EYA1: variants seen among roughly 807,000 people sequenced by gnomAD.
EYA1 encodes the protein protein phosphatase EYA1.
In EYA1, 16 loss-of-function variants were observed where a neutral mutation model predicts 82.0. The ratio of observed to expected loss-of-function variants is 0.20; its 90% CI spans 0.13 to 0.30. The LOEUF (loss-of-function observed/expected upper bound fraction) is 0.30. EYA1 is among the 10% of genes least tolerant of loss of function. The pLI, the probability that EYA1 is intolerant of heterozygous loss-of-function variation, is 1.00. For missense variants in EYA1, 633 were observed against 730.7 expected (o/e 0.87, Z 1.54); for synonymous variants, 261 against 264.4 (o/e 0.99, Z 0.12).
chr8:71,205,566 C>T (rs1263141734), intron 17 of EYA1, among the ~76,000 whole-genome samples: 2 of 152,124 alleles, frequency 1.3e-5, no homozygotes, highest in Non-Finnish European at 2.9e-5. Flanking sequence ...TGAGGTTGTT[C>T]TTTTACGAAA....
intron 11 of EYA1, among the ~76,000 whole-genome samples, chr8:71,269,273 C>T (rs929617292): frequency 6.6e-6 from 1 of 152,068 alleles, no homozygotes; most frequent in Non-Finnish European, 1.5e-5. Flanking sequence ...ATACATTTAA[C>T]CCAAGTAGCA....
chr8:71,446,043 T>G (rs1432171393), intron 2 of EYA1, among the ~76,000 whole-genome samples: 1 of 152,196 alleles, frequency 6.6e-6, no homozygotes, highest in Admixed American at 6.5e-5. Context: ...AATATATATA[T>G]TTTTAAAACA....
intron 2 of EYA1, among the ~76,000 whole-genome samples, chr8:71,517,491 C>G (rs1316769820): frequency 1.3e-5 from 2 of 151,174 alleles, no homozygotes; most frequent in African/African-American, 2.4e-5. Context: ...AAAGAAATGA[C>G]AAATCTATGA....
chr8:71,399,617 A>C (rs1218219278), intron 2 of EYA1, among the ~76,000 whole-genome samples: 3 of 152,184 alleles, frequency 2.0e-5, no homozygotes, highest in Non-Finnish European at 4.4e-5. Flanking sequence ...GGAGAACTAC[A>C]AACCAGTGCT....
chr8:71,465,732 G>C (rs557590495), intron 2 of EYA1, among the ~76,000 whole-genome samples: 1 of 152,298 alleles, frequency 6.6e-6, no homozygotes, highest in African/African-American at 2.4e-5. Context: ...ACTATGGTTT[G>C]AATGTGTCCC....
chr8:71,477,367 C>T (rs1809742365), intron 2 of EYA1, among the ~76,000 whole-genome samples: 1 of 152,018 alleles, frequency 6.6e-6, no homozygotes, highest in Non-Finnish European at 1.5e-5. Context: ...CACAACTCAG[C>T]TATAAAAATA....
At chr8:71,474,388 A>G (rs1809486880) in intron 2 of EYA1, among the ~76,000 whole-genome samples, 1 of 152,072 alleles carries the variant, frequency 6.6e-6, no homozygotes. Flanking sequence ...AAACCAAGAG[A>G]AATAGCAGAG....
chr8:71,274,849 G>A (rs1428555931), intron 9 of EYA1, among the ~76,000 whole-genome samples: 1 of 151,166 alleles, frequency 6.6e-6, no homozygotes, highest in Non-Finnish European at 1.5e-5. Flanking sequence ...GCATAAGTAT[G>A]TGTGAAGGTA....
At chr8:71,332,919 C>T (rs536266661) in intron 4 of EYA1, among the ~76,000 whole-genome samples, 14 of 152,298 alleles carry the variant, frequency 9.2e-5, no homozygotes, top group Admixed American at 4.6e-4. Flanking sequence ...GTGCTTCTTT[C>T]CTACTCATTT....
intron 2 of EYA1, among the ~76,000 whole-genome samples, chr8:71,377,823 A>G (rs1242702584): frequency 2.0e-5 from 3 of 152,180 alleles, no homozygotes; most frequent in African/African-American, 7.2e-5. Context: ...CCTCACATCA[A>G]TGGAATCATG....
At chr8:71,356,018 AC>A (rs1334610269) in intron 2 of EYA1, among the ~76,000 whole-genome samples, 10 of 152,230 alleles carry the variant, frequency 6.6e-5, no homozygotes, top group African/African-American at 2.4e-4. Flanking sequence ...TAAAGTTAAT[AC>A]TATTTGCTCC....
At chr8:71,443,966 C>T (rs1236915118) in intron 2 of EYA1, among the ~76,000 whole-genome samples, 1 of 152,218 alleles carries the variant, frequency 6.6e-6, no homozygotes, top group Non-Finnish European at 1.5e-5. Context: ...AGGCCAGACA[C>T]ATAATAATTT....
At chr8:71,296,471 A>C (rs1368550481) in intron 9 of EYA1, among the ~76,000 whole-genome samples, 1 of 151,170 alleles carries the variant, frequency 6.6e-6, no homozygotes, top group Non-Finnish European at 1.5e-5. Flanking sequence ...ATCATGAAGC[A>C]TGAGATAAAT....
At chr8:71,207,375 TAAGA>T (rs1015956982) in intron 17 of EYA1, among the ~76,000 whole-genome samples, 11 of 152,120 alleles carry the variant, frequency 7.2e-5, no homozygotes, top group Admixed American at 7.2e-4. Flanking sequence ...AGTTAGAAAA[TAAGA>T]AAGGAATGTT....
intron 2 of EYA1, chr8:71,470,796 T>C: frequency 2.2e-6 from 1 of 447,322 alleles, no homozygotes; most frequent in East Asian, 7.0e-5. Context: ...AAAAGATGTA[T>C]GTAGCATTAA....
intron 12 of EYA1, among the ~76,000 whole-genome samples, chr8:71,237,401 C>T (rs932443478): frequency 2.0e-5 from 3 of 152,160 alleles, no homozygotes; most frequent in Non-Finnish European, 4.4e-5. Context: ...CTCATTTCTT[C>T]TGTTGAGCTA....
intron 2 of EYA1, among the ~76,000 whole-genome samples, chr8:71,474,021 G>A (rs1455102422): frequency 6.6e-6 from 1 of 151,928 alleles, no homozygotes; most frequent in Non-Finnish European, 1.5e-5. Flanking sequence ...GACACAGGGA[G>A]GGGAACATCA....
chr8:71,407,954 G>C (rs1274897561), intron 2 of EYA1, among the ~76,000 whole-genome samples: 1 of 150,948 alleles, frequency 6.6e-6, no homozygotes. Flanking sequence ...AGGAAAAAAT[G>C]TTAAGGGCAG....
intron 2 of EYA1, among the ~76,000 whole-genome samples, chr8:71,419,706 T>A (rs1422767476): frequency 6.6e-6 from 1 of 152,148 alleles, no homozygotes; most frequent in Non-Finnish European, 1.5e-5. Context: ...TAGATATTAC[T>A]AATATTAACA....
Sources: gnomAD v4.1 joint callset for allele counts (sites outside exome capture counted in the v4.1 genomes callset) on GRCh38, gnomAD v4.1.1 for gene constraint, MANE v1.5 for transcripts, NCBI Gene and HGNC (gene_info 2026-07-23, HGNC 2026-07-21) for gene names.